AASDH: variants seen among roughly 807,000 people sequenced by gnomAD.
AASDH encodes beta-alanine-activating enzyme.
AASDH carries 81 observed loss-of-function variants against 102.3 expected under a neutral mutation model. The observed-to-expected ratio is 0.79, with a 90% CI of 0.66 to 0.95. The LOEUF (loss-of-function observed/expected upper bound fraction) is 0.95. Ranked by LOEUF, AASDH falls within the 40% of genes least tolerant of loss-of-function variation. AASDH has a pLI of 0.00. For synonymous variants in AASDH, 398 were observed against 454.0 expected (o/e 0.88, Z 1.57); for missense variants, 1,203 against 1,266.2 (o/e 0.95, Z 0.76).
chr4:56,343,354 A>C (rs1747922927), intron 13 of AASDH, among the ~76,000 whole-genome samples: 1 of 90,090 alleles, frequency 1.1e-5, no homozygotes, highest in Admixed American at 1.4e-4. Context: ...AAACAAACAA[A>C]CAAAAAAATA....
At position 56,338,783 on chromosome 4, in the gene AASDH, C is replaced by T. The variant is rs768789482; in HGVS notation, c.2916G>A (p.Gln972=). 1.5e-5 allele frequency: 25 copies of T among 1,613,412 alleles called. No homozygotes were observed. The South Asian group carries it at 2.7e-4, about 18-fold the overall frequency. The change falls in exon 15 of 15, where the codon CAG becomes CAA. Residue 972 remains glutamine (Q), a synonymous_variant. Coordinates refer to ENST00000205214, the MANE Select transcript of AASDH (RefSeq NM_181806.4). ...AAAAGATTGGTCCACTGGTAGAGAA[C>T]TGCCAAACCTATAACAAGTAATAAA... is the stretch of plus-strand genomic sequence containing the variant. The part of the protein sequence containing the change: ...CFTHFGEQVW[Q]FSTSGPIFSS...
chr4:56,359,475 G>T (rs754152718), intron 5 of AASDH, among the ~76,000 whole-genome samples: 10 of 151,706 alleles, frequency 6.6e-5, no homozygotes, highest in Non-Finnish European at 1.2e-4. Context: ...GGCTTGTCTC[G>T]AACTCCTAAC....
intron 1 of AASDH, among the ~76,000 whole-genome samples, chr4:56,386,003 A>C (rs1487592658): frequency 6.6e-6 from 1 of 151,966 alleles, no homozygotes; most frequent in Non-Finnish European, 1.5e-5. Flanking sequence ...ATATCAACTA[A>C]TTAACATCAA....
intron 1 of AASDH, 25 bp from the exon 2 acceptor site, chr4:56,384,366 G>C: frequency 6.9e-7 from 1 of 1,441,144 alleles, no homozygotes; most frequent in Non-Finnish European, 9.7e-7. Flanking sequence ...AAGTGTTAGG[G>C]GGAGAGGGAG....
intron 6 of AASDH, 48 bp downstream of exon 6, chr4:56,355,134 A>G: frequency 6.4e-7 from 1 of 1,565,750 alleles, no homozygotes; most frequent in Non-Finnish European, 8.6e-7. Context: ...TTAAGATCCT[A>G]GAAATATACA....
intron 3 of AASDH, among the ~76,000 whole-genome samples, chr4:56,378,896 T>A (rs1406028062): frequency 6.6e-6 from 1 of 151,928 alleles, no homozygotes; most frequent in Non-Finnish European, 1.5e-5. Flanking sequence ...TTTATTTTTT[T>A]TTTTTGAGAC....
At chr4:56,344,796 C>G (rs1327126714) in intron 12 of AASDH, among the ~76,000 whole-genome samples, 2 of 152,058 alleles carry the variant, frequency 1.3e-5, no homozygotes, top group African/African-American at 2.4e-5. Context: ...ATGCTTTATT[C>G]TTCCCAGACC....
intron 13 of AASDH, 82 bp from the exon 14 acceptor site, chr4:56,343,048 C>G (rs1191191288): frequency 7.6e-7 from 1 of 1,308,534 alleles, no homozygotes; most frequent in Non-Finnish European, 9.9e-7. Context: ...TCATACATCT[C>G]CTAGGGTTAG....
chr4:56,368,325 T>A (rs1485343666), intron 5 of AASDH, among the ~76,000 whole-genome samples: 2 of 152,164 alleles, frequency 1.3e-5, no homozygotes, highest in Non-Finnish European at 2.9e-5. Flanking sequence ...TCCTCAGGGA[T>A]CTAGAACTAG....
At chr4:56,383,582 T>C (rs1222060658) in intron 2 of AASDH, among the ~76,000 whole-genome samples, 2 of 152,344 alleles carry the variant, frequency 1.3e-5, no homozygotes, top group East Asian at 3.9e-4. Flanking sequence ...ATTTAAATGA[T>C]TGAACATTTT....
intron 14 of AASDH, among the ~76,000 whole-genome samples, chr4:56,339,211 T>C (rs1380921294): frequency 2.0e-5 from 3 of 151,936 alleles, no homozygotes; most frequent in Admixed American, 6.6e-5. Context: ...TGGAGTGCAG[T>C]GGCATGATCT....
intron 2 of AASDH, among the ~76,000 whole-genome samples, chr4:56,383,250 G>A (rs182040712): frequency 1.6e-4 from 24 of 151,882 alleles, no homozygotes; most frequent in East Asian, 3.9e-4. Flanking sequence ...AATAAATTTC[G>A]TCAATAATTG....
At chr4:56,345,868 G>GT (rs1304471539) in intron 11 of AASDH, among the ~76,000 whole-genome samples, 2 of 152,208 alleles carry the variant, frequency 1.3e-5, no homozygotes, top group African/African-American at 4.8e-5. Context: ...CCACAGTGAA[G>GT]TAAGTACTAT....
In AASDH at chr4:56,350,066, T is replaced by TGA. The variant is rs768802842; in HGVS notation, c.1693-10_1693-9dup. The TGA allele has an allele frequency of 2.1e-5, 33 of 1,559,796 alleles. No homozygotes were observed. Among genetic ancestry groups the TGA allele is most frequent in the Non-Finnish European group, 2.6e-5 (30 of 1,165,920 alleles). On this transcript the variant is annotated splice_polypyrimidine_tract_variant and intron_variant, in intron 10 of 14. Coordinates refer to ENST00000205214, the MANE Select transcript of AASDH (RefSeq NM_181806.4). ...TGGGAGATTCAGAGTAGACTACAGA[T>TGA]GAGAGAATAGAGAAATATGTGACGT...
At position 56,350,014 on chromosome 4, in the gene AASDH, C is replaced by G; in HGVS notation, c.1737G>C (p.Glu579Asp). Reference sequence around the variant, plus strand: ...CTCCACCACTATTTAAGAAGAGTGACTCATCAGGAACCCTCAAAAGATCTT... The same window carrying G: ...CTCCACCACTATTTAAGAAGAGTGAGTCATCAGGAACCCTCAAAAGATCTT... The part of the protein sequence containing the change: ...LPEDLLRVPD[E>D]SLFLNSGGDS... Residue 579 changes from glutamate (E) to aspartate (D), a missense_variant, in exon 11 of 15, where the codon GAG becomes GAC. By Grantham distance (45) the Glu-to-Asp change is conservative. Coordinates refer to ENST00000205214, the MANE Select transcript of AASDH (RefSeq NM_181806.4). 2 of 1,607,376 alleles carry G rather than the reference C, an allele frequency of 1.2e-6. No individual in the cohort carries two copies. Among genetic ancestry groups the G allele is most frequent in the Admixed American group, 1.7e-5 (1 of 59,602 alleles).
rs1243554233 is a variant in AASDH at position 56,377,081 on chromosome 4, AT to A, written c.668+1066del. ...GACTCCGTCTCAAAAAAAAAAAAAA[AT>A]AAATAAATAAAATAAAATAAAATTA... On this transcript the variant is annotated intron_variant, in intron 4 of 14. Coordinates refer to ENST00000205214, the MANE Select transcript of AASDH (RefSeq NM_181806.4). Among the ~76,000 whole-genome samples, 124 of 91,886 alleles carry A rather than the reference AT, an allele frequency of 1.3e-3. No homozygotes were observed. The Middle Eastern group carries it at 0.015, about 11-fold the overall frequency. The allele number at this position is 91,886 out of a possible 152,430, so 60.3% of individuals were successfully genotyped here. A position where few individuals can be genotyped will look rare whatever the true frequency, so the allele number is the denominator to read the frequency against.
At chr4:56,339,435 A>G (rs1391207271) in intron 14 of AASDH, among the ~76,000 whole-genome samples, 1 of 152,126 alleles carries the variant, frequency 6.6e-6, no homozygotes, top group African/African-American at 2.4e-5. Context: ...GTGAGCCACC[A>G]CATCCAGCCT....
intron 5 of AASDH, among the ~76,000 whole-genome samples, chr4:56,365,683 C>G (rs1306897771): frequency 6.6e-6 from 1 of 152,006 alleles, no homozygotes; most frequent in Non-Finnish European, 1.5e-5. Context: ...AGAACAAAGA[C>G]ACAACATACC....
intron 5 of AASDH, among the ~76,000 whole-genome samples, chr4:56,366,714 C>T (rs1166425057): frequency 4.0e-5 from 6 of 149,982 alleles, no homozygotes; most frequent in Admixed American, 1.3e-4. Flanking sequence ...ATTGATGGGA[C>T]GTATCTCAAA....
Sources: gnomAD v4.1 joint callset for allele counts (sites outside exome capture counted in the v4.1 genomes callset) on GRCh38, gnomAD v4.1.1 for gene constraint, MANE v1.5 for transcripts, NCBI Gene and HGNC (gene_info 2026-07-23, HGNC 2026-07-21) for gene names.